CA10: variants seen among roughly 807,000 people sequenced by gnomAD.
The protein encoded by CA10 is carbonic anhydrase 10 (inactive), also known as carbonic anhydrase-related protein 10.
A neutral mutation model predicts 44.2 loss-of-function variants in CA10; 14 were observed. The ratio of observed to expected loss-of-function variants is 0.32; its 90% confidence interval spans 0.21 to 0.50. The LOEUF (loss-of-function observed/expected upper bound fraction) is 0.50. Among genes scored for constraint, CA10 ranks in the 20% least tolerant of loss-of-function variants. The probability of loss-of-function intolerance (pLI) is 0.99; values close to 1 mark genes in which losing one functional copy is unlikely to be tolerated. For synonymous variants in CA10, 159 were observed against 141.6 expected (o/e 1.12, Z -0.87); for missense variants, 350 against 409.7 (o/e 0.85, Z 1.26).
intron 2 of CA10, among the ~76,000 whole-genome samples, chr17:52,017,780 A>G (rs1479663214): frequency 1.3e-5 from 2 of 152,108 alleles, no homozygotes; most frequent in African/African-American, 4.8e-5. Context: ...ACATGACTAA[A>G]TGGTAGTCAT....
chr17:51,865,233 T>C (rs1445040456), intron 3 of CA10, among the ~76,000 whole-genome samples: 1 of 152,174 alleles, frequency 6.6e-6, no homozygotes, highest in African/African-American at 2.4e-5. Context: ...TGACACACTA[T>C]GTAATTTGCC....
chr17:51,818,619 G>A (rs140279159), intron 3 of CA10, among the ~76,000 whole-genome samples: 73 of 152,196 alleles, frequency 4.8e-4, no homozygotes, highest in Non-Finnish European at 8.2e-4. Flanking sequence ...AGGAGGGATC[G>A]CTTTCGTGAT....
intron 2 of CA10, among the ~76,000 whole-genome samples, chr17:52,043,892 C>A (rs1046883281): frequency 3.9e-5 from 6 of 152,028 alleles, no homozygotes; most frequent in Non-Finnish European, 5.9e-5. Flanking sequence ...CCTTACTTTC[C>A]AGTGATAAAT....
At chr17:52,012,665 G>T (rs1985836538) in intron 2 of CA10, among the ~76,000 whole-genome samples, 1 of 151,978 alleles carries the variant, frequency 6.6e-6, no homozygotes, top group African/African-American at 2.4e-5. Context: ...ACACACAGAA[G>T]ATTCTGCCCC....
chr17:51,831,678 G>GCAGCAGCAGCAT (rs1314987145), intron 3 of CA10, among the ~76,000 whole-genome samples: 2 of 49,034 alleles, frequency 4.1e-5, no homozygotes, highest in African/African-American at 1.4e-4. Context: ...AGCAGCAGCA[G>GCAGCAGCAGCAT]CAGCAGCAGC....
intron 2 of CA10, among the ~76,000 whole-genome samples, chr17:51,939,148 T>C (rs1197784815): frequency 6.6e-6 from 1 of 152,082 alleles, no homozygotes; most frequent in African/African-American, 2.4e-5. Flanking sequence ...ATATATATAT[T>C]TGAGAGGTTC....
At chr17:52,065,382 G>A (rs1987506705) in intron 2 of CA10, among the ~76,000 whole-genome samples, 1 of 152,106 alleles carries the variant, frequency 6.6e-6, no homozygotes, top group South Asian at 2.1e-4. Flanking sequence ...TCTGTCTCCC[G>A]AGTCAAGCCT....
intron 2 of CA10, among the ~76,000 whole-genome samples, chr17:52,022,759 G>C (rs1174949958): frequency 6.6e-6 from 1 of 151,890 alleles, no homozygotes; most frequent in African/African-American, 2.4e-5. Flanking sequence ...CTTCAATAAA[G>C]TTTCAAGATA....
At chr17:51,680,739 A>T (rs188862057) in intron 4 of CA10, among the ~76,000 whole-genome samples, 1 of 152,158 alleles carries the variant, frequency 6.6e-6, no homozygotes, top group Non-Finnish European at 1.5e-5. Context: ...TGTCAACAGC[A>T]CCCTCAATAA....
chr17:52,120,793 G>C (rs915905681), intron 1 of CA10, among the ~76,000 whole-genome samples: 2 of 152,150 alleles, frequency 1.3e-5, no homozygotes, highest in African/African-American at 4.8e-5. Flanking sequence ...CCTGGTATTC[G>C]ATCTGTGAGG....
intron 4 of CA10, among the ~76,000 whole-genome samples, chr17:51,677,321 T>C (rs1449193659): frequency 6.6e-6 from 1 of 152,130 alleles, no homozygotes; most frequent in Admixed American, 6.5e-5. Context: ...TGGGCCGTTC[T>C]TGTGATAGTG....
chr17:51,973,818 G>A (rs954542892), intron 2 of CA10, among the ~76,000 whole-genome samples: 1 of 152,058 alleles, frequency 6.6e-6, no homozygotes, highest in Non-Finnish European at 1.5e-5. Flanking sequence ...TGACCACAAT[G>A]TACATCAGAA....
intron 3 of CA10, among the ~76,000 whole-genome samples, chr17:51,851,024 A>T (rs538026755): frequency 2.0e-5 from 3 of 152,306 alleles, no homozygotes; most frequent in Middle Eastern, 6.8e-3. Flanking sequence ...GCGCTGCCAT[A>T]CTAAATTATC....
intron 3 of CA10, among the ~76,000 whole-genome samples, chr17:51,822,993 T>C (rs1485479879): frequency 6.6e-6 from 1 of 152,184 alleles, no homozygotes; most frequent in African/African-American, 2.4e-5. Context: ...TGCTGCTTAA[T>C]AATCCACTAG....
chr17:51,650,254 G>A (rs928201032), intron 5 of CA10, among the ~76,000 whole-genome samples: 6 of 152,112 alleles, frequency 3.9e-5, no homozygotes, highest in African/African-American at 9.7e-5. Context: ...GGGTACCATT[G>A]TTCATCCTAG....
intron 3 of CA10, among the ~76,000 whole-genome samples, chr17:51,838,967 C>T (rs961501012): frequency 2.0e-5 from 3 of 152,134 alleles, no homozygotes; most frequent in African/African-American, 4.8e-5. Flanking sequence ...CGTGTGCTTA[C>T]CACCAAAGTC....
chr17:51,982,433 T>C (rs1360087582), intron 2 of CA10, among the ~76,000 whole-genome samples: 4 of 151,946 alleles, frequency 2.6e-5, no homozygotes, highest in African/African-American at 9.7e-5. Context: ...TTTGTGTCTA[T>C]GAGTTAAAGG....
At chr17:51,934,366 A>G (rs1008357972) in intron 2 of CA10, among the ~76,000 whole-genome samples, 4 of 80,146 alleles carry the variant, frequency 5.0e-5, no homozygotes, top group African/African-American at 1.7e-4. Flanking sequence ...TGCTGCTCTA[A>G]ACCCCTTCCT....
At chr17:52,062,380 T>C (rs1040175674) in intron 2 of CA10, among the ~76,000 whole-genome samples, 5 of 152,144 alleles carry the variant, frequency 3.3e-5, no homozygotes, top group Admixed American at 2.6e-4. Context: ...AAGAATGTTT[T>C]CAGGAGAAAA....
Sources: gnomAD v4.1 joint callset for allele counts (sites outside exome capture counted in the v4.1 genomes callset) on GRCh38, gnomAD v4.1.1 for gene constraint, MANE v1.5 for transcripts, NCBI Gene and HGNC (gene_info 2026-07-23, HGNC 2026-07-21) for gene names.